LHCGR: variants seen among roughly 807,000 people sequenced by gnomAD.
The protein encoded by LHCGR is lutropin-choriogonadotropic hormone receptor.
LHCGR carries 55 observed loss-of-function variants against 60.7 expected under a neutral mutation model. The ratio of observed to expected loss-of-function variants is 0.91; its 90% CI spans 0.73 to 1.13. The LOEUF (loss-of-function observed/expected upper bound fraction) is 1.13. Among genes scored for constraint, LHCGR ranks in the 50% most tolerant of loss-of-function variants. The probability of loss-of-function intolerance (pLI) is 0.00; values close to 1 mark genes in which losing one functional copy is unlikely to be tolerated. For missense variants in LHCGR, 862 were observed against 836.0 expected (o/e 1.03, Z -0.38); for synonymous variants, 337 against 316.5 (o/e 1.06, Z -0.69).
At chr2:48,728,800 G>T (rs1668858759) in intron 3 of LHCGR, among the ~76,000 whole-genome samples, 1 of 152,076 alleles carries the variant, frequency 6.6e-6, no homozygotes, top group Non-Finnish European at 1.5e-5. Context: ...AGCCCCCAAT[G>T]AACCAATTTA....
rs370659587 is a variant in LHCGR, at chr2:48,690,037, G to A, written c.948-1188C>T. Among the ~76,000 whole-genome samples the A allele has an allele frequency of 2.8e-4, 42 of 152,182 alleles. No homozygotes were observed. The East Asian group carries it at 5.6e-3, about 20-fold the overall frequency. On this transcript the variant is annotated intron_variant, in intron 10 of 10. Transcript: ENST00000294954. ...CCAGGTTTTTGTCCTCTCTTATGGA[G>A]CAATTAGTTTTCTTCCTGATATCCT...
At position 48,697,827 on chromosome 2, in the gene LHCGR, TA is replaced by T. The variant is rs993195114; in HGVS notation, c.866+787del. ...AGTGCATCAAGACTGGCATTAAAAA[TA>T]AAAAAAGCATAAAATAAAATAGAGT... On this transcript the variant is annotated intron_variant, in intron 9 of 10. Transcript: ENST00000294954. 4.6e-5 allele frequency among the ~76,000 whole-genome samples: 7 copies of T among 152,030 alleles called. No individual in the cohort carries two copies. The East Asian group carries it at 5.8e-4, about 13-fold the overall frequency.
chr2:48,696,326 G>A (rs1667112141), intron 9 of LHCGR, among the ~76,000 whole-genome samples: 1 of 152,192 alleles, frequency 6.6e-6, no homozygotes, highest in Non-Finnish European at 1.5e-5. Context: ...AAAAGGACAG[G>A]CTCAGAAGGG....
At chr2:48,709,419 C>T (rs548314994) in intron 7 of LHCGR, among the ~76,000 whole-genome samples, 13 of 152,280 alleles carry the variant, frequency 8.5e-5, no homozygotes, top group Non-Finnish European at 1.5e-4. Flanking sequence ...TCATTGTGAC[C>T]GTGGAGGTCT....
intron 2 of LHCGR, among the ~76,000 whole-genome samples, chr2:48,730,231 A>T (rs1668930619): frequency 6.6e-6 from 1 of 152,198 alleles, no homozygotes; most frequent in African/African-American, 2.4e-5. Context: ...GATTCATCTT[A>T]TTCCTACCTA....
intron 3 of LHCGR, among the ~76,000 whole-genome samples, chr2:48,728,725 A>G (rs747876969): frequency 1.3e-5 from 2 of 152,174 alleles, no homozygotes; most frequent in Non-Finnish European, 2.9e-5. Context: ...ACACATGCCT[A>G]TCACACAGCT....
intron 1 of LHCGR, among the ~76,000 whole-genome samples, chr2:48,732,339 G>A (rs1304762546): frequency 1.3e-5 from 2 of 152,214 alleles, no homozygotes; most frequent in African/African-American, 4.8e-5. Context: ...ATGCTGTCTT[G>A]TTTTTAACAT....
In LHCGR at chr2:48,725,913, A is replaced by G. The variant is rs1260272826; in HGVS notation, c.309-163T>C. ...ACCCCTAGCGACTCTGGGGATGGAAATGGCTTGGTGAGAGCCAGTTCCCTA... is the reference window on the plus strand; with the variant it reads ...ACCCCTAGCGACTCTGGGGATGGAAGTGGCTTGGTGAGAGCCAGTTCCCTA... On this transcript the variant is annotated intron_variant, in intron 3 of 10. Coordinates refer to ENST00000294954, the MANE Select transcript of LHCGR (RefSeq NM_000233.4). 2.0e-5 allele frequency among the ~76,000 whole-genome samples: 3 copies of G among 152,144 alleles called. No individual in the cohort carries two copies. In the East Asian group the frequency reaches 5.8e-4, roughly 29 times the overall value.
chr2:48,709,605 G>A (rs1667879167), intron 7 of LHCGR, among the ~76,000 whole-genome samples: 1 of 152,218 alleles, frequency 6.6e-6, no homozygotes, highest in Admixed American at 6.5e-5. Context: ...CCATGGGGCT[G>A]TGCAGTGTAA....
chr2:48,735,157 T>A (rs539451827), intron 1 of LHCGR, among the ~76,000 whole-genome samples: 1 of 152,194 alleles, frequency 6.6e-6, no homozygotes, highest in Non-Finnish European at 1.5e-5. Flanking sequence ...AGCTTGGAAC[T>A]TCCATCTACT....
intron 1 of LHCGR, among the ~76,000 whole-genome samples, chr2:48,736,469 T>G (rs1669211802): frequency 6.6e-6 from 1 of 152,194 alleles, no homozygotes; most frequent in Non-Finnish European, 1.5e-5. Context: ...CAGATAAATC[T>G]AATTACCTTA....
At position 48,713,894 on chromosome 2, in the gene LHCGR, C is replaced by T. The variant is rs537544147; in HGVS notation, c.605+92G>A. The T allele has an allele frequency of 4.9e-6, 5 of 1,021,624 alleles. No individual in the cohort carries two copies. The East Asian group carries it at 1.3e-4, about 26-fold the overall frequency. The allele number at this position is 1,021,624 out of a possible 1,614,324, so 63.3% of individuals were successfully genotyped here. ...TAGCCACTTGAAAGTTTATTTTTGC[C>T]CTGAGTTAGTTGCTGAAGATTGAAT... On this transcript the variant is annotated intron_variant, in intron 7 of 10. Transcript: ENST00000294954.
chr2:48,722,612 C>T (rs1029146290), intron 6 of LHCGR, among the ~76,000 whole-genome samples: 1 of 152,120 alleles, frequency 6.6e-6, no homozygotes, highest in Non-Finnish European at 1.5e-5. Flanking sequence ...TCCTACTGCT[C>T]CTGGCCATGT....
chr2:48,723,586 G>A (rs753256314), intron 5 of LHCGR, 36 bp downstream of exon 5: 1 of 1,605,392 alleles, frequency 6.2e-7, no homozygotes, highest in East Asian at 2.2e-5. Context: ...CTGCAAATAG[G>A]AAACTGTTAT....
At chr2:48,749,656 G>C (rs1447472789) in intron 1 of LHCGR, among the ~76,000 whole-genome samples, 1 of 149,534 alleles carries the variant, frequency 6.7e-6, no homozygotes, top group Non-Finnish European at 1.5e-5. Context: ...TTAGGAAGAA[G>C]ATAGAGGTGG....
intron 1 of LHCGR, among the ~76,000 whole-genome samples, chr2:48,742,505 G>T (rs983386398): frequency 1.3e-5 from 2 of 151,954 alleles, no homozygotes; most frequent in African/African-American, 4.8e-5. Context: ...TCAGACCGCA[G>T]TGCAATCAAA....
chr2:48,710,722 C>A (rs1667942749), intron 7 of LHCGR, among the ~76,000 whole-genome samples: 1 of 152,208 alleles, frequency 6.6e-6, no homozygotes. Flanking sequence ...CTCAGGGCCA[C>A]CTTCTGCGGC....
intron 1 of LHCGR, among the ~76,000 whole-genome samples, chr2:48,742,105 A>G (rs1461445690): frequency 1.3e-5 from 2 of 151,990 alleles, no homozygotes; most frequent in African/African-American, 4.8e-5. Flanking sequence ...AGGCCATTAC[A>G]TAATGGTAAA....
chr2:48,694,068 T>C (rs1015293044), intron 10 of LHCGR, among the ~76,000 whole-genome samples, 156 bp downstream of exon 10: 2 of 152,200 alleles, frequency 1.3e-5, no homozygotes, highest in South Asian at 2.1e-4. Flanking sequence ...TTGATGCCAA[T>C]TGCAAAGAAA....
Sources: allele counts gnomAD v4.1 joint callset (sites outside exome capture counted in the v4.1 genomes callset), GRCh38; gene constraint gnomAD v4.1.1; transcripts MANE v1.5; gene names NCBI Gene and HGNC (gene_info 2026-07-23, HGNC 2026-07-21).